Variants in IGF2BP3 observed in about 807,000 individuals in gnomAD.
The protein encoded by IGF2BP3 is insulin like growth factor 2 mRNA binding protein 3, also known as insulin-like growth factor 2 mRNA-binding protein 3.
Under a neutral mutation model 73.8 loss-of-function variants are expected in IGF2BP3, and 9 were observed. The observed-to-expected ratio is 0.12, with a 90% CI of 0.07 to 0.21. The LOEUF is 0.21. Ranked by LOEUF, IGF2BP3 falls within the 10% of genes least tolerant of loss-of-function variation. The pLI, the probability that IGF2BP3 is intolerant of heterozygous loss-of-function variation, is 1.00. For missense variants in IGF2BP3, 542 were observed against 714.0 expected, an observed-to-expected ratio of 0.76 and a Z score of 2.75; for synonymous variants, 258 against 256.7, an observed-to-expected ratio of 1.01 and a Z score of -0.05.
chr7:23,427,738 T>A (rs915817927), intron 2 of IGF2BP3, among the ~76,000 whole-genome samples: 4 of 152,082 alleles, frequency 2.6e-5, no homozygotes, highest in African/African-American at 9.7e-5. Flanking sequence ...CCAGGCACAG[T>A]GGCTCACGCC....
intron 3 of IGF2BP3, among the ~76,000 whole-genome samples, chr7:23,408,976 T>TGG (rs34317645): frequency 8.6e-5 from 13 of 151,202 alleles, no homozygotes; most frequent in Non-Finnish European, 1.3e-4. Flanking sequence ...AGAGTGGGGA[T>TGG]GGGGGGGATG....
Position 23,312,378 on chromosome 7 carries a change from TGAG to T in IGF2BP3, c.1721_1723del (p.Pro574del), listed in dbSNP as rs1371582538. ...CCTGAGCCTTTACTTCCGTCTTGAC[TGAG>T]GTGGTCCACTTTGCAGAGCCTTCTG... On this transcript the variant is annotated inframe_deletion, in exon 15 of 15. Coordinates refer to ENST00000258729, the MANE Select transcript of IGF2BP3 (RefSeq NM_006547.3). 1.9e-6 allele frequency: 3 copies of T among 1,612,214 alleles called. No homozygotes were observed. The East Asian group carries it at 6.7e-5, about 36-fold the overall frequency.
chr7:23,463,967 C>A (rs1268436365), intron 2 of IGF2BP3, among the ~76,000 whole-genome samples: 1 of 152,200 alleles, frequency 6.6e-6, no homozygotes, highest in African/African-American at 2.4e-5. Flanking sequence ...ACATTCAGAA[C>A]CTCAAGTCTC....
At chr7:23,373,778 T>TG (rs1387016410) in intron 3 of IGF2BP3, among the ~76,000 whole-genome samples, 1 of 152,108 alleles carries the variant, frequency 6.6e-6, no homozygotes, top group Non-Finnish European at 1.5e-5. Flanking sequence ...TGGGGCCAGG[T>TG]GGGAGGTGTT....
intron 10 of IGF2BP3, among the ~76,000 whole-genome samples, chr7:23,334,571 G>C (rs1784523853): frequency 2.0e-5 from 3 of 152,228 alleles, no homozygotes; most frequent in Admixed American, 2.0e-4. Context: ...TTAAGGTCTA[G>C]TTGCATTGTC....
chr7:23,458,571 G>A (rs894056038), intron 2 of IGF2BP3, among the ~76,000 whole-genome samples: 3 of 152,088 alleles, frequency 2.0e-5, no homozygotes, highest in East Asian at 1.9e-4. Flanking sequence ...AGACAAAGCC[G>A]TGACATCTAC....
intron 2 of IGF2BP3, among the ~76,000 whole-genome samples, chr7:23,467,177 G>A (rs1345685121): frequency 6.6e-6 from 1 of 152,134 alleles, no homozygotes; most frequent in East Asian, 1.9e-4. Flanking sequence ...TGAAATTTAA[G>A]TATGAGAACA....
At chr7:23,334,984 G>T (rs1421406470) in intron 10 of IGF2BP3, among the ~76,000 whole-genome samples, 1 of 138,378 alleles carries the variant, frequency 7.2e-6, no homozygotes, top group Non-Finnish European at 1.5e-5. Context: ...GGGTTTTTTT[G>T]TTGTTGTTTT....
intron 5 of IGF2BP3, among the ~76,000 whole-genome samples, chr7:23,357,824 T>A (rs990190740): frequency 4.6e-5 from 7 of 152,378 alleles, no homozygotes; most frequent in South Asian, 2.1e-4. Flanking sequence ...AATTTCCACG[T>A]TAAGTTCTGT....
intron 10 of IGF2BP3, among the ~76,000 whole-genome samples, chr7:23,326,140 T>C (rs1399993941): frequency 1.3e-5 from 2 of 151,966 alleles, no homozygotes; most frequent in Non-Finnish European, 2.9e-5. Context: ...ACCTACAGAA[T>C]GGGAGAAAAT....
At chr7:23,432,502 T>G (rs547429490) in intron 2 of IGF2BP3, among the ~76,000 whole-genome samples, 10 of 152,148 alleles carry the variant, frequency 6.6e-5, no homozygotes, top group Admixed American at 3.9e-4. Context: ...CACATCTTAA[T>G]GTAGAATGTC....
In IGF2BP3 at chr7:23,361,753, G is replaced by A. The variant is rs1785235935; in HGVS notation, c.286-12C>T. The A allele has an allele frequency of 6.3e-7, 1 of 1,596,276 alleles. No homozygotes were observed. Among genetic ancestry groups the A allele is most frequent in the Non-Finnish European group, 8.5e-7 (1 of 1,173,412 alleles). On this transcript the variant is annotated splice_polypyrimidine_tract_variant and intron_variant, in intron 3 of 14. Coordinates refer to ENST00000258729, the MANE Select transcript of IGF2BP3 (RefSeq NM_006547.3). ...AAACTATCCAGCACCTATCAGGAGGGGGAGAGAAAATTATAAATTTTGAGT... is the reference window on the plus strand; with the variant it reads ...AAACTATCCAGCACCTATCAGGAGGAGGAGAGAAAATTATAAATTTTGAGT...
chr7:23,407,838 G>C (rs531739804), intron 3 of IGF2BP3, among the ~76,000 whole-genome samples: 1 of 150,566 alleles, frequency 6.6e-6, no homozygotes, highest in South Asian at 2.1e-4. Flanking sequence ...GACACAGTAA[G>C]TCCTCAACAA....
intron 2 of IGF2BP3, among the ~76,000 whole-genome samples, chr7:23,451,460 G>T (rs1039014330): frequency 3.3e-5 from 5 of 151,858 alleles, no homozygotes; most frequent in South Asian, 2.1e-4. Context: ...ACATGTAATG[G>T]GTTTTTTATA....
At chr7:23,464,683 T>TA (rs955710213) in intron 2 of IGF2BP3, among the ~76,000 whole-genome samples, 6 of 145,306 alleles carry the variant, frequency 4.1e-5, no homozygotes, top group Admixed American at 3.5e-4. Flanking sequence ...GACTCCATCT[T>TA]AAAAAAAAAT....
intron 7 of IGF2BP3, 117 bp downstream of exon 7, chr7:23,347,483 T>G: frequency 9.7e-7 from 1 of 1,032,118 alleles, no homozygotes; most frequent in Non-Finnish European, 1.5e-6. Flanking sequence ...CCACTGTAGC[T>G]CATCAGGATA....
chr7:23,403,860 C>T (rs1426252952), intron 3 of IGF2BP3, among the ~76,000 whole-genome samples: 2 of 151,830 alleles, frequency 1.3e-5, no homozygotes. Context: ...CGGTGACTCA[C>T]GACTGTAATC....
At chr7:23,434,584 G>T (rs940404276) in intron 2 of IGF2BP3, among the ~76,000 whole-genome samples, 47 of 152,176 alleles carry the variant, frequency 3.1e-4, no homozygotes, top group African/African-American at 1.1e-3. Flanking sequence ...ACAAAAGGTT[G>T]ACAAGTTTGA....
At chr7:23,352,532 G>C (rs868164483) in intron 5 of IGF2BP3, among the ~76,000 whole-genome samples, 2 of 152,136 alleles carry the variant, frequency 1.3e-5, no homozygotes, top group African/African-American at 2.4e-5. Context: ...CAAGTGATCT[G>C]CTGCATTGGC....
Sources: allele counts gnomAD v4.1 joint callset (sites outside exome capture counted in the v4.1 genomes callset), GRCh38; gene constraint gnomAD v4.1.1; transcripts MANE v1.5; gene names NCBI Gene and HGNC (gene_info 2026-07-23, HGNC 2026-07-21).